The following NAV2 variants were observed in gnomAD, a reference collection of about 807,000 sequenced individuals.
The protein encoded by NAV2 is neuron navigator 2.
Under a neutral mutation model 223.2 loss-of-function variants are expected in NAV2, and 54 were observed. That is an observed-to-expected ratio of 0.24 (90% confidence interval 0.19 to 0.30). The LOEUF (loss-of-function observed/expected upper bound fraction) is 0.30. Among genes scored for constraint, NAV2 ranks in the 10% least tolerant of loss-of-function variants. NAV2 has a pLI of 1.00. For missense variants in NAV2, 2,806 were observed against 3,147.5 expected, an observed-to-expected ratio of 0.89 and a Z score of 2.60; for synonymous variants, 1,279 against 1,239.3, an observed-to-expected ratio of 1.03 and a Z score of -0.67.
chr11:19,633,430 C>T (rs2047400940), intron 1 of NAV2, among the ~76,000 whole-genome samples: 1 of 152,270 alleles, frequency 6.6e-6, no homozygotes, highest in Admixed American at 6.5e-5. Context: ...GTGCTCACAG[C>T]TGCCAGTGGA....
chr11:19,959,565 TG>T (rs1403422799), intron 10 of NAV2, among the ~76,000 whole-genome samples: 1 of 152,228 alleles, frequency 6.6e-6, no homozygotes, highest in Non-Finnish European at 1.5e-5. Context: ...GCCCAGTTCC[TG>T]GGGCATTGCA....
chr11:19,635,856 C>G (rs1195228490), intron 1 of NAV2, among the ~76,000 whole-genome samples: 7 of 152,170 alleles, frequency 4.6e-5, no homozygotes, highest in Admixed American at 4.6e-4. Context: ...CAAACCACAT[C>G]CAAACCATAG....
intron 1 of NAV2, among the ~76,000 whole-genome samples, chr11:19,822,092 A>G (rs975085175): frequency 1.3e-5 from 2 of 152,204 alleles, no homozygotes; most frequent in Middle Eastern, 3.2e-3. Context: ...TTCACGTTGC[A>G]TGGCATCATC....
At chr11:20,035,918 C>A in intron 11 of NAV2, 41 bp from the exon 12 acceptor site, 1 of 1,612,738 alleles carries the variant, frequency 6.2e-7, no homozygotes, top group Non-Finnish European at 8.5e-7. Flanking sequence ...GCTGGAACAG[C>A]CTGAGGTTTT....
Position 19,933,224 on chromosome 11 carries a change from C to A in NAV2, c.980C>A (p.Ala327Glu). 1.9e-6 allele frequency: 3 copies of A among 1,578,882 alleles called. No individual in the cohort carries two copies. ...TCCCACCCCGGAATGAGTGACAATG[C>A]ACCTGCTTCCTTGGAGAGCGGCAGC... ...ASSHPGMSDNAPASLESGSSS... is the reference protein window; with the variant it reads ...ASSHPGMSDNEPASLESGSSS... Residue 327 changes from alanine (A) to glutamate (E), a missense_variant, in exon 7 of 38, where the codon GCA becomes GAA. Coordinates refer to ENST00000349880, the MANE Select transcript of NAV2 (RefSeq NM_145117.5). The surrounding 1 kb of genome is among the most constrained non-coding windows in gnomAD (Gnocchi z 4.3).
At chr11:19,478,832 C>G (rs1198876512) in intron 1 of NAV2, among the ~76,000 whole-genome samples, 1 of 152,230 alleles carries the variant, frequency 6.6e-6, no homozygotes, top group Non-Finnish European at 1.5e-5. Flanking sequence ...GTGAAAAACT[C>G]TGATGCAAAT....
chr11:19,969,338 C>T (rs1439910137), intron 10 of NAV2, among the ~76,000 whole-genome samples: 1 of 152,140 alleles, frequency 6.6e-6, no homozygotes, highest in Non-Finnish European at 1.5e-5. Flanking sequence ...AAATGAGACC[C>T]GGAAGGCCCA....
chr11:19,418,184 G>A (rs1850459869), intron 1 of NAV2, among the ~76,000 whole-genome samples: 1 of 152,176 alleles, frequency 6.6e-6, no homozygotes, highest in South Asian at 2.1e-4. Flanking sequence ...GATAGTACAA[G>A]CAAACAGTCT....
chr11:19,800,672 G>GGTGTGTGTGTGTGTGT (rs142402876), intron 1 of NAV2, among the ~76,000 whole-genome samples: 2 of 145,846 alleles, frequency 1.4e-5, no homozygotes, highest in African/African-American at 5.0e-5. Context: ...AAGGAGAATG[G>GGTGTGTGTGTGTGTGT]GTGTGTGTGT....
At chr11:19,815,385 T>C (rs960369953) in intron 1 of NAV2, among the ~76,000 whole-genome samples, 1 of 152,194 alleles carries the variant, frequency 6.6e-6, no homozygotes, top group Admixed American at 6.5e-5. Flanking sequence ...ACTCCTGGGG[T>C]CTAGGCTCAC....
chr11:19,676,099 G>T (rs1209916662), intron 1 of NAV2, among the ~76,000 whole-genome samples: 1 of 152,090 alleles, frequency 6.6e-6, no homozygotes, highest in Non-Finnish European at 1.5e-5. Flanking sequence ...ACATCAGAAG[G>T]CATCAGTCTT....
chr11:19,487,847 G>A (rs1330404960), intron 1 of NAV2, among the ~76,000 whole-genome samples: 8 of 47,966 alleles, frequency 1.7e-4, no homozygotes, highest in South Asian at 2.0e-3. Flanking sequence ...ATTTCAGCCT[G>A]TAAGAGACCC....
At position 20,118,118 on chromosome 11, in the gene NAV2, C is replaced by T. The variant is rs1283828349; in HGVS notation, c.7165-15C>T. 1.2e-6 allele frequency: 2 copies of T among 1,613,402 alleles called. No individual in the cohort carries two copies. The highest frequency in any genetic ancestry group is 1.7e-5 in the Admixed American group (1 of 60,002). On this transcript the variant is annotated splice_polypyrimidine_tract_variant and intron_variant, in intron 37 of 37. Transcript: ENST00000349880. ...TAGACAGAAAGCAGCTCATGCTTCT[C>T]CACTCTTCCCCTAGATGAACATGCT...
intron 1 of NAV2, among the ~76,000 whole-genome samples, chr11:19,549,619 A>C (rs1284473169): frequency 1.3e-5 from 2 of 152,220 alleles, no homozygotes; most frequent in Non-Finnish European, 2.9e-5. Flanking sequence ...AAGCCATCTC[A>C]AAAGGACCCC....
intron 10 of NAV2, among the ~76,000 whole-genome samples, chr11:19,956,357 G>GACAC (rs1175384430): frequency 2.8e-4 from 41 of 144,602 alleles, no homozygotes; most frequent in African/African-American, 1.0e-3. Context: ...CCACACCCCC[G>GACAC]ACACACATAC....
chr11:19,727,455 T>C (rs370068128), intron 1 of NAV2, among the ~76,000 whole-genome samples: 3 of 152,172 alleles, frequency 2.0e-5, no homozygotes, highest in Admixed American at 6.5e-5. Context: ...TGTGGTTATG[T>C]AGGAGGCAGG....
At chr11:19,394,965 G>A (rs912621945) in intron 1 of NAV2, among the ~76,000 whole-genome samples, 1 of 152,242 alleles carries the variant, frequency 6.6e-6, no homozygotes, top group Non-Finnish European at 1.5e-5. Flanking sequence ...AATGCAGGAA[G>A]TCACTGAGCT....
chr11:19,844,276 T>C (rs1296614793), intron 3 of NAV2, among the ~76,000 whole-genome samples: 3 of 152,238 alleles, frequency 2.0e-5, no homozygotes, highest in Non-Finnish European at 2.9e-5. Flanking sequence ...ATGAAACAGA[T>C]GCATTATTTC....
chr11:19,423,410 A>T (rs918240914), intron 1 of NAV2, among the ~76,000 whole-genome samples: 1 of 152,330 alleles, frequency 6.6e-6, no homozygotes, highest in South Asian at 2.1e-4. Context: ...GAGTAGAGAG[A>T]TGGGTCAAAA....
Sources: allele counts gnomAD v4.1 joint callset (sites outside exome capture counted in the v4.1 genomes callset), GRCh38; gene constraint gnomAD v4.1.1; non-coding constraint Gnocchi (gnomAD v3.1); transcripts MANE v1.5; gene names NCBI Gene and HGNC (gene_info 2026-07-23, HGNC 2026-07-21).